FAM227A: variants seen among roughly 807,000 people sequenced by gnomAD.
FAM227A encodes the protein protein FAM227A.
FAM227A carries 80 observed loss-of-function variants against 74.7 expected under a neutral mutation model. That is an observed-to-expected ratio of 1.07 (90% CI 0.89 to 1.29). The LOEUF is 1.29. Among genes scored for constraint, FAM227A ranks in the 50% most tolerant of loss-of-function variants. The pLI is 0.00. For missense variants in FAM227A, 654 were observed against 683.4 expected, an observed-to-expected ratio of 0.96 and a Z score of 0.48; for synonymous variants, 237 against 241.8, an observed-to-expected ratio of 0.98 and a Z score of 0.19.
Position 38,636,030 on chromosome 22 carries a change from GAGAA to G in FAM227A, c.519+417_519+420del, listed in dbSNP as rs377588536. Among the ~76,000 whole-genome samples, 242 of 136,920 alleles carry G rather than the reference GAGAA, an allele frequency of 1.8e-3. 2 individuals carry two copies. The highest frequency in any genetic ancestry group is 6.3e-3 in the African/African-American group (234 of 36,920). 89.8% of individuals were successfully genotyped at this position (136,920 alleles called of 152,430 possible). A position where few individuals can be genotyped will look rare whatever the true frequency, so the allele number is the denominator to read the frequency against. On this transcript the variant is annotated intron_variant, in intron 6 of 16. Coordinates refer to ENST00000535113, the MANE Select transcript of FAM227A (RefSeq NM_001013647.2). ...AAGAAAAAGAAGGAAAGAAAGAAGA[GAGAA>G]AGAGAAAGAGAGAGAAAGAAGGAAA...
At chr22:38,587,931 C>G (rs2090844142) in intron 16 of FAM227A, among the ~76,000 whole-genome samples, 1 of 151,866 alleles carries the variant, frequency 6.6e-6, no homozygotes, top group South Asian at 2.1e-4. Context: ...GTATAGAGCA[C>G]AATAAAAGAA....
At chr22:38,643,536 C>T (rs1043982762) in intron 3 of FAM227A, among the ~76,000 whole-genome samples, 4 of 152,136 alleles carry the variant, frequency 2.6e-5, no homozygotes, top group Non-Finnish European at 5.9e-5. Context: ...CCGCAAGAAC[C>T]CTCATCCACT....
At chr22:38,647,372 G>A (rs552239897) in intron 2 of FAM227A, among the ~76,000 whole-genome samples, 7 of 151,982 alleles carry the variant, frequency 4.6e-5, no homozygotes, top group African/African-American at 1.2e-4. Flanking sequence ...GCTGAGGCAG[G>A]AGAATCTCTT....
rs1463782445 is a variant in FAM227A, at chr22:38,600,856, G to T, written c.1222-935C>A. On this transcript the variant is annotated intron_variant, in intron 13 of 16. Coordinates refer to ENST00000535113, the MANE Select transcript of FAM227A (RefSeq NM_001013647.2). ...AGTCCCAGCTACTCAGGAGGCTGAG[G>T]CAGGAGAATCACTTGAATCTGGGAG... Among the ~76,000 whole-genome samples, 5 of 151,742 alleles carry T rather than the reference G, an allele frequency of 3.3e-5. No individual in the cohort carries two copies. In the East Asian group the frequency reaches 9.8e-4, roughly 30 times the overall value.
At chr22:38,639,607 A>C (rs1459767137) in intron 4 of FAM227A, 48 bp downstream of exon 4, 4 of 1,538,898 alleles carry the variant, frequency 2.6e-6, no homozygotes, top group Non-Finnish European at 3.5e-6. Flanking sequence ...GATACTAAAA[A>C]AACAAACCCC....
intron 15 of FAM227A, among the ~76,000 whole-genome samples, chr22:38,594,555 A>G (rs1455855215): frequency 6.6e-6 from 1 of 152,238 alleles, no homozygotes; most frequent in African/African-American, 2.4e-5. Context: ...TTATTTAACC[A>G]ATCATCTTTT....
intron 3 of FAM227A, among the ~76,000 whole-genome samples, chr22:38,645,262 G>T (rs528304185): frequency 6.8e-5 from 10 of 147,998 alleles, no homozygotes; most frequent in African/African-American, 2.5e-4. Flanking sequence ...ATGGTGGCAC[G>T]CACCTGTAGT....
chr22:38,655,111 G>A (rs1167818132), intron 1 of FAM227A, among the ~76,000 whole-genome samples: 1 of 151,020 alleles, frequency 6.6e-6, no homozygotes, highest in Non-Finnish European at 1.5e-5. Flanking sequence ...CTGCACTCCA[G>A]CCTGGGCGAC....
At chr22:38,610,790 G>T (rs761596922) in intron 11 of FAM227A, among the ~76,000 whole-genome samples, 1 of 152,184 alleles carries the variant, frequency 6.6e-6, no homozygotes, top group Non-Finnish European at 1.5e-5. Flanking sequence ...GGGCCGGCGC[G>T]GTGGCTCACG....
chr22:38,600,282 T>C (rs1455780019), intron 13 of FAM227A, among the ~76,000 whole-genome samples: 1 of 151,256 alleles, frequency 6.6e-6, no homozygotes, highest in South Asian at 2.1e-4. Flanking sequence ...AGTTTGATAG[T>C]GTTTTTTATA....
intron 15 of FAM227A, among the ~76,000 whole-genome samples, chr22:38,592,767 C>T (rs1261624631): frequency 6.6e-6 from 1 of 152,196 alleles, no homozygotes; most frequent in African/African-American, 2.4e-5. Context: ...GTTTTTCTGT[C>T]ACTCTAAGCC....
intron 2 of FAM227A, among the ~76,000 whole-genome samples, chr22:38,647,542 GTATT>G (rs2092261346): frequency 6.6e-6 from 1 of 152,156 alleles, no homozygotes; most frequent in South Asian, 2.1e-4. Flanking sequence ...ATATTTTAGA[GTATT>G]TCTTTATGAG....
At chr22:38,610,192 A>T (rs192561515) in intron 11 of FAM227A, among the ~76,000 whole-genome samples, 5,125 of 149,168 alleles carry the variant, frequency 0.034, 110 homozygotes, top group Middle Eastern at 0.061. Context: ...TTAAAAAAAA[A>T]TTTTTTTTTT....
chr22:38,599,768 T>A lies in FAM227A; in HGVS notation c.1375A>T (p.Thr459Ser). The A allele has an allele frequency of 1.3e-6, 2 of 1,550,870 alleles. No homozygotes were observed. Among genetic ancestry groups the A allele is most frequent in the East Asian group, 4.9e-5 (2 of 40,900 alleles). Residue 459 changes from threonine (T) to serine (S), a missense_variant, in exon 14 of 17, where the codon ACC becomes TCC. By Grantham distance (58) the Thr-to-Ser change is moderately conservative. Transcript: ENST00000535113. ...TGCCCACAGTGACAAGGATATGGGG[T>A]GCTCGTGGTCTTTTCCCTTCTGACT... ...LIVRREKTTS[T>S]PDCTPTYTDV...
rs1392139145 is a variant in FAM227A at position 38,650,029 on chromosome 22, G to C, written c.140C>G (p.Pro47Arg). 5 of 1,552,166 alleles carry C rather than the reference G, an allele frequency of 3.2e-6. No individual in the cohort carries two copies. Among genetic ancestry groups the C allele is most frequent in the Non-Finnish European group, 4.4e-6 (5 of 1,147,070 alleles). Reference protein sequence around the residue: ...TVRKELENNPPSCLIGSMHQV... With the variant: ...TVRKELENNPRSCLIGSMHQV... The stretch of plus-strand genomic sequence containing the variant: ...AGGTGACATCACCAGAAGGATACAG[G>C]GTGGATTGTTCTCTAACTCCTTCCT... The change falls in exon 2 of 17, where the codon CCC (proline) becomes CGC (arginine). Residue 47 changes from proline to arginine, a missense_variant and splice_region_variant. By Grantham distance (103) the Pro-to-Arg change is moderately radical. Transcript: ENST00000535113.
At chr22:38,644,939 A>G (rs1167885980) in intron 3 of FAM227A, among the ~76,000 whole-genome samples, 1 of 152,022 alleles carries the variant, frequency 6.6e-6, no homozygotes. Flanking sequence ...AATACAAAAA[A>G]TTAGCCGGGT....
chr22:38,641,948 GGTGTGTGTGTGTGTGTGT>G (rs3042708), intron 3 of FAM227A, among the ~76,000 whole-genome samples: 1 of 145,410 alleles, frequency 6.9e-6, no homozygotes, highest in Non-Finnish European at 1.5e-5. Context: ...CTCCCGAAAA[GGTGTGTGTGTGTGTGTGT>G]GTGTGTGTGC....
At chr22:38,654,947 C>T (rs1336275915) in intron 1 of FAM227A, among the ~76,000 whole-genome samples, 4 of 148,900 alleles carry the variant, frequency 2.7e-5, no homozygotes, top group Non-Finnish European at 5.9e-5. Flanking sequence ...GAGACTCCAT[C>T]TAAAATAAAT....
chr22:38,621,074 C>T lies in FAM227A; in HGVS notation c.959-783G>A, dbSNP rs193026427. ...TGAGTCGGCCGGGCATGGTGGCTCA[C>T]GCCTATAATCCCAGCACTTTGGGAG... is the stretch of plus-strand genomic sequence containing the variant. On this transcript the variant is annotated intron_variant, in intron 10 of 16. Transcript: ENST00000535113. Among the ~76,000 whole-genome samples, 508 of 151,918 alleles carry T rather than the reference C, an allele frequency of 3.3e-3. 2 individuals are homozygous for T. The highest frequency in any genetic ancestry group is 4.9e-3 in the African/African-American group (203 of 41,436).
Sources: gnomAD v4.1 joint callset for allele counts (sites outside exome capture counted in the v4.1 genomes callset) on GRCh38, gnomAD v4.1.1 for gene constraint, MANE v1.5 for transcripts, NCBI Gene and HGNC (gene_info 2026-07-23, HGNC 2026-07-21) for gene names.